ENTREP2: variants seen among roughly 807,000 people sequenced by gnomAD.
The protein encoded by ENTREP2 is endosomal transmembrane epsin interactor 2.
the ENTREP2 span, among the ~76,000 whole-genome samples, chr15:29,250,773 A>G: frequency 0.58 from 88,418 of 152,006 alleles, 25,822 homozygotes; most frequent in South Asian, 0.62. Flanking sequence ...CCAAGTTATG[A>G]ATACAAGATG....
the ENTREP2 span, among the ~76,000 whole-genome samples, chr15:29,501,996 T>G: frequency 2.6e-5 from 4 of 151,928 alleles, no homozygotes; most frequent in South Asian, 6.2e-4. Context: ...CTGAAAACCA[T>G]AAAACATTGC....
the ENTREP2 span, among the ~76,000 whole-genome samples, chr15:29,154,272 T>C: frequency 2.0e-5 from 3 of 151,134 alleles, no homozygotes; most frequent in African/African-American, 7.3e-5. Context: ...ATTATTGTTC[T>C]TTTTTTTTGC....
chr15:29,465,565 A>G, the ENTREP2 span, among the ~76,000 whole-genome samples: 1 of 152,144 alleles, frequency 6.6e-6, no homozygotes, highest in African/African-American at 2.4e-5. Flanking sequence ...GAAAATAACA[A>G]CTTCCATTTG....
the ENTREP2 span, among the ~76,000 whole-genome samples, chr15:29,170,016 T>G: frequency 6.6e-6 from 1 of 152,104 alleles, no homozygotes; most frequent in South Asian, 2.1e-4. Context: ...GCATATAAAA[T>G]CAATATGCAG....
At chr15:29,434,646 C>T in the ENTREP2 span, among the ~76,000 whole-genome samples, 2 of 152,222 alleles carry the variant, frequency 1.3e-5, no homozygotes, top group East Asian at 3.9e-4. Context: ...GCATACATGA[C>T]ATACATACAT....
At chr15:29,166,831 A>T in the ENTREP2 span, among the ~76,000 whole-genome samples, 34,125 of 152,126 alleles carry the variant, frequency 0.22, 4,739 homozygotes, top group Non-Finnish European at 0.31. Context: ...TCTAAAATTC[A>T]TATGGAACCA....
the ENTREP2 span, among the ~76,000 whole-genome samples, chr15:29,666,412 C>G: frequency 1.3e-5 from 2 of 151,888 alleles, no homozygotes; most frequent in African/African-American, 4.8e-5. Flanking sequence ...CACCTCCCCC[C>G]ACTCACCCCC....
chr15:29,579,987 G>T, the ENTREP2 span, among the ~76,000 whole-genome samples: 2 of 151,932 alleles, frequency 1.3e-5, no homozygotes, highest in African/African-American at 4.8e-5. Context: ...TGGGATTACA[G>T]GTGTGAGCCA....
chr15:29,403,659 C>T, the ENTREP2 span, among the ~76,000 whole-genome samples: 5 of 152,130 alleles, frequency 3.3e-5, no homozygotes, highest in Non-Finnish European at 7.3e-5. Context: ...TGTCATAAAC[C>T]GCACACTATT....
the ENTREP2 span, among the ~76,000 whole-genome samples, chr15:29,634,692 C>A: frequency 6.6e-6 from 1 of 152,214 alleles, no homozygotes; most frequent in South Asian, 2.1e-4. Context: ...TAGATACCAG[C>A]AACAAGTCCG....
chr15:29,526,955 C>T, the ENTREP2 span, among the ~76,000 whole-genome samples: 7 of 152,122 alleles, frequency 4.6e-5, no homozygotes, highest in Non-Finnish European at 5.9e-5. Context: ...CTGTGGAATC[C>T]GGGGGGCACG....
chr15:29,223,795 C>T, the ENTREP2 span, among the ~76,000 whole-genome samples: 1 of 152,270 alleles, frequency 6.6e-6, no homozygotes, highest in Non-Finnish European at 1.5e-5. Flanking sequence ...GTCCCTGCAA[C>T]AGGAAGGCCT....
At chr15:29,638,996 C>T in the ENTREP2 span, among the ~76,000 whole-genome samples, 1 of 152,182 alleles carries the variant, frequency 6.6e-6, no homozygotes, top group Non-Finnish European at 1.5e-5. Context: ...GAGTTATAAC[C>T]TGAATCCTGG....
At chr15:29,419,876 A>C in the ENTREP2 span, among the ~76,000 whole-genome samples, 3 of 152,230 alleles carry the variant, frequency 2.0e-5, no homozygotes, top group Non-Finnish European at 4.4e-5. Context: ...TTCTGAGACA[A>C]TCACAGCAGA....
chr15:29,594,851 G>C, the ENTREP2 span, among the ~76,000 whole-genome samples: 1 of 151,762 alleles, frequency 6.6e-6, no homozygotes, highest in Non-Finnish European at 1.5e-5. Flanking sequence ...CGGATCACGA[G>C]GTCAGGAGAT....
chr15:29,556,842 C>T, the ENTREP2 span, among the ~76,000 whole-genome samples: 1 of 151,254 alleles, frequency 6.6e-6, no homozygotes, highest in Non-Finnish European at 1.5e-5. Context: ...CGGCTCTCAT[C>T]ACCCACCGCC....
the ENTREP2 span, among the ~76,000 whole-genome samples, chr15:29,150,107 C>T: frequency 1.3e-5 from 2 of 152,350 alleles, no homozygotes; most frequent in South Asian, 4.1e-4. Flanking sequence ...ACACATCACA[C>T]GTATTAGGGA....
chr15:29,236,809 A>T, the ENTREP2 span, among the ~76,000 whole-genome samples: 2 of 152,210 alleles, frequency 1.3e-5, no homozygotes, highest in East Asian at 3.8e-4. Context: ...AGAAGTGAAG[A>T]CTTCACAACA....
the ENTREP2 span, among the ~76,000 whole-genome samples, chr15:29,388,501 A>T: frequency 6.6e-6 from 1 of 152,186 alleles, no homozygotes; most frequent in South Asian, 2.1e-4. Context: ...AAATAGGAAC[A>T]CTTTTACACT....
Sources: gnomAD v4.1 joint callset for allele counts (sites outside exome capture counted in the v4.1 genomes callset) on GRCh38, gnomAD v4.1.1 for gene constraint, MANE v1.5 for transcripts, NCBI Gene and HGNC (gene_info 2026-07-23, HGNC 2026-07-21) for gene names.